Variants in HYAL4 observed in about 807,000 individuals in gnomAD.
HYAL4 encodes the protein hyaluronidase-4.
In HYAL4, 37 loss-of-function variants were observed where a neutral mutation model predicts 35.2. The ratio of observed to expected loss-of-function variants is 1.05; its 90% CI spans 0.81 to 1.38. HYAL4 has a LOEUF of 1.38. Ranked by LOEUF, HYAL4 falls within the 40% of genes most tolerant of loss-of-function variation. The pLI is 0.00. For synonymous variants in HYAL4, 198 were observed against 203.2 expected, an observed-to-expected ratio of 0.97 and a Z score of 0.22; for missense variants, 572 against 572.4, an observed-to-expected ratio of 1.00 and a Z score of 0.01.
the HYAL4 span, among the ~76,000 whole-genome samples, chr7:123,820,266 AG>A: frequency 0.043 from 6,549 of 152,126 alleles, 160 homozygotes; most frequent in Middle Eastern, 0.082. Flanking sequence ...TTGTATATAA[AG>A]GTTTATTAAC....
At chr7:123,837,639 TA>T (rs1285262518) in intron 1 of HYAL4, among the ~76,000 whole-genome samples, 1 of 151,888 alleles carries the variant, frequency 6.6e-6, no homozygotes, top group Non-Finnish European at 1.5e-5. Context: ...ACTCGTCATT[TA>T]ACATTAGGTA....
intron 2 of HYAL4, among the ~76,000 whole-genome samples, chr7:123,854,805 A>C (rs556029715): frequency 6.6e-6 from 1 of 152,258 alleles, no homozygotes; most frequent in East Asian, 1.9e-4. Flanking sequence ...TGATCTGTCT[A>C]ATATTGACAG....
chr7:123,833,204 T>G (rs907020354), intron 1 of HYAL4, among the ~76,000 whole-genome samples: 3 of 152,238 alleles, frequency 2.0e-5, no homozygotes, highest in Admixed American at 1.3e-4. Flanking sequence ...ACCAGCAGTG[T>G]GGAAGTGTTC....
At chr7:123,797,953 G>T in the HYAL4 span, among the ~76,000 whole-genome samples, 1 of 152,026 alleles carries the variant, frequency 6.6e-6, no homozygotes, top group Non-Finnish European at 1.5e-5. Flanking sequence ...ATTTTAAAAA[G>T]TGCCCACAAT....
the HYAL4 span, among the ~76,000 whole-genome samples, chr7:123,794,235 A>G: frequency 6.6e-6 from 1 of 152,200 alleles, no homozygotes; most frequent in Non-Finnish European, 1.5e-5. Context: ...CTAAGTGGCA[A>G]AGTGTTCAAG....
chr7:123,784,830 A>G, the HYAL4 span, among the ~76,000 whole-genome samples: 1 of 152,280 alleles, frequency 6.6e-6, no homozygotes, highest in East Asian at 1.9e-4. Context: ...TGGTAGTCGC[A>G]GGTTGGATTA....
upstream of HYAL4, among the ~76,000 whole-genome samples, chr7:123,826,787 C>T (rs2116901842): frequency 6.6e-6 from 1 of 152,094 alleles, no homozygotes; most frequent in South Asian, 2.1e-4. Flanking sequence ...CAGGCGAGAG[C>T]TAGTAGTGAT....
chr7:123,826,666 G>A (rs1805806011), upstream of HYAL4, among the ~76,000 whole-genome samples: 3 of 152,114 alleles, frequency 2.0e-5, no homozygotes, highest in South Asian at 2.1e-4. Flanking sequence ...TAGGATTTTT[G>A]TGTCTACTTC....
chr7:123,828,427 T>TACAC (rs34327472), upstream of HYAL4, among the ~76,000 whole-genome samples: 24,165 of 141,118 alleles, frequency 0.17, 1,987 homozygotes, highest in Middle Eastern at 0.21. Context: ...TGTTCATAAT[T>TACAC]ACACACACAC....
chr7:123,855,511 A>G (rs1033270371), intron 2 of HYAL4, among the ~76,000 whole-genome samples: 1 of 152,170 alleles, frequency 6.6e-6, no homozygotes, highest in African/African-American at 2.4e-5. Flanking sequence ...TTTCTTAAGA[A>G]TGTTGATATT....
rs1584926210 is a variant in HYAL4, at chr7:123,869,044, T to G, written c.771T>G (p.Ala257=). Residue 257 remains alanine, a synonymous_variant, in exon 3 of 5, where the codon GCT becomes GCG. Coordinates refer to ENST00000223026, the MANE Select transcript of HYAL4 (RefSeq NM_012269.3). ...CTTGGCTCTGGAACAGCAGTGCTGC[T>G]TTATATCCTTCTATCGGTGTCTGGA... ...ELSWLWNSSA[A]LYPSIGVWKS... is the part of the protein sequence containing the mutation. The G allele has an allele frequency of 2.5e-6, 4 of 1,614,110 alleles. No homozygotes were observed. The highest frequency in any genetic ancestry group is 3.4e-6 in the Non-Finnish European group (4 of 1,180,044).
At chr7:123,828,707 T>A (rs1805836910), upstream of HYAL4, among the ~76,000 whole-genome samples, 1 of 152,198 alleles carries the variant, frequency 6.6e-6, no homozygotes, top group Non-Finnish European at 1.5e-5. Flanking sequence ...CAGTCTTTAC[T>A]GGGACACTGT....
chr7:123,816,382 A>G, the HYAL4 span, among the ~76,000 whole-genome samples: 1 of 152,230 alleles, frequency 6.6e-6, no homozygotes, highest in South Asian at 2.1e-4. Context: ...TCATTTTACT[A>G]TCTTAAATCC....
the HYAL4 span, among the ~76,000 whole-genome samples, chr7:123,812,212 C>G: frequency 6.6e-6 from 1 of 151,972 alleles, no homozygotes; most frequent in South Asian, 2.1e-4. Flanking sequence ...TGGCTACTTG[C>G]CTGAAACATA....
the HYAL4 span, among the ~76,000 whole-genome samples, chr7:123,767,853 A>T: frequency 6.6e-6 from 1 of 152,220 alleles, no homozygotes; most frequent in African/African-American, 2.4e-5. Context: ...ATACTAAAAA[A>T]CATCAGGTAT....
At chr7:123,820,284 C>T in the HYAL4 span, among the ~76,000 whole-genome samples, 86 of 152,140 alleles carry the variant, frequency 5.7e-4, no homozygotes, top group African/African-American at 1.9e-3. Flanking sequence ...TAACAATCTA[C>T]TCTGTTCTGG....
intron 1 of HYAL4, among the ~76,000 whole-genome samples, chr7:123,834,967 T>C (rs1451384330): frequency 2.6e-5 from 4 of 152,140 alleles, no homozygotes; most frequent in Admixed American, 2.6e-4. Flanking sequence ...TGGTATGTTG[T>C]TGGGTTCAGT....
At chr7:123,803,309 A>T in the HYAL4 span, among the ~76,000 whole-genome samples, 1 of 152,194 alleles carries the variant, frequency 6.6e-6, no homozygotes, top group Non-Finnish European at 1.5e-5. Flanking sequence ...AAGAATTTTT[A>T]AAAAGGGGGC....
chr7:123,868,655 G>C lies in HYAL4; in HGVS notation c.382G>C (p.Asp128His), dbSNP rs367758877. 2 of 1,613,606 alleles carry C rather than the reference G, an allele frequency of 1.2e-6. No homozygotes were observed. The highest frequency in any genetic ancestry group is 2.2e-5 in the East Asian group (1 of 44,878). ...LQVHLEKADQ[D>H]INYYIPAEDF... The stretch of plus-strand genomic sequence containing the variant: ...AGTACATCTGGAAAAAGCTGACCAA[G>C]ATATTAATTATTACATCCCTGCTGA... The change falls in exon 3 of 5, where the codon GAT becomes CAT. Residue 128 changes from aspartate (D) to histidine (H), a missense_variant. By Grantham distance (81) the Asp-to-His change is moderately conservative. Transcript: ENST00000223026.
Sources: gnomAD v4.1 joint callset for allele counts (sites outside exome capture counted in the v4.1 genomes callset) on GRCh38, gnomAD v4.1.1 for gene constraint, MANE v1.5 for transcripts, NCBI Gene and HGNC (gene_info 2026-07-23, HGNC 2026-07-21) for gene names.